The following CRIP2 variants were observed in gnomAD, a reference collection of about 807,000 sequenced individuals.
CRIP2 encodes cysteine-rich protein 2.
Under a neutral mutation model 31.3 loss-of-function variants are expected in CRIP2, and 31 were observed. The ratio of observed to expected loss-of-function variants is 0.99; its 90% CI spans 0.74 to 1.34. The LOEUF is 1.34. CRIP2 is among the 40% of genes most tolerant of loss of function. The pLI is 0.00. For missense variants in CRIP2, 389 were observed against 301.6 expected, an observed-to-expected ratio of 1.29 and a Z score of -2.15; for synonymous variants, 177 against 127.2, an observed-to-expected ratio of 1.39 and a Z score of -2.63.
At position 105,474,832 on chromosome 14, in the gene CRIP2, G is replaced by A; in HGVS notation, c.-31G>A. The A allele has an allele frequency of 2.1e-6, 3 of 1,437,668 alleles. No individual in the cohort carries two copies. Among genetic ancestry groups the A allele is most frequent in the Non-Finnish European group, 2.8e-6 (3 of 1,085,100 alleles). The allele number at this position is 1,437,668 out of a possible 1,614,324, so 89.1% of individuals were successfully genotyped here. A position where few individuals can be genotyped will look rare whatever the true frequency, so the allele number is the denominator to read the frequency against. ...GGCGGCGGCCCGGAGGAGAACGGGCGGAGGGCGCGGGCCGACCGGGCGCAC... is the reference window on the plus strand; with the variant it reads ...GGCGGCGGCCCGGAGGAGAACGGGCAGAGGGCGCGGGCCGACCGGGCGCAC... On this transcript the variant is annotated 5_prime_UTR_variant, in exon 1 of 8. Transcript: ENST00000329146. The surrounding 1 kb of genome is among the most constrained non-coding windows in gnomAD (Gnocchi z 5.1).
chr14:105,478,399 G>T lies in CRIP2; in HGVS notation c.138+39G>T. On this transcript the variant is annotated intron_variant, in intron 2 of 7. Transcript: ENST00000329146. This position sits in a 1 kb window ranked among gnomAD's most constrained non-coding sequence, Gnocchi z 4.9. ...CGCGGCGCGGGCGGGGGCGGGGGTC[G>T]CGACTCCCGCCACCCTCAGGCAGGG... is the stretch of plus-strand genomic sequence containing the variant. The T allele has an allele frequency of 6.3e-7, 1 of 1,574,888 alleles. No individual in the cohort carries two copies. The highest frequency in any genetic ancestry group is 1.4e-5 in the African/African-American group (1 of 73,776).
intron 1 of CRIP2, chr14:105,476,333 C>T: frequency 8.1e-6 from 8 of 985,586 alleles, no homozygotes; most frequent in Non-Finnish European, 9.6e-6. Flanking sequence ...CGGCTGGCTT[C>T]TGTCCTGCCT....
In CRIP2 at chr14:105,479,133, G is replaced by A. The variant is rs782229496; in HGVS notation, c.415G>A (p.Val139Met). ...CTCCTCCCCCTTTCCAGCTGAGAAG[G>A]TGACGTCTCTGGGCAAGGATTGGCA... ...CSKKVYFAEK[V>M]TSLGKDWHRP... The change falls in exon 6 of 8, where the codon GTG becomes ATG. Residue 139 changes from valine to methionine, a missense_variant. Val to Met is a conservative substitution (Grantham distance 21). Coordinates refer to ENST00000329146, the MANE Select transcript of CRIP2 (RefSeq NM_001312.4). The A allele has an allele frequency of 3.9e-5, 63 of 1,611,646 alleles. No individual in the cohort carries two copies. The highest frequency in any genetic ancestry group is 1.7e-4 in the Middle Eastern group (1 of 6,054).
Position 105,474,880 on chromosome 14 carries a change from C to G in CRIP2, c.18C>G (p.Pro6=), listed in dbSNP as rs1467054822. The G allele has an allele frequency of 2.0e-6, 3 of 1,518,732 alleles. No individual in the cohort carries two copies. Among genetic ancestry groups the G allele is most frequent in the Non-Finnish European group, 1.8e-6 (2 of 1,133,314 alleles). 94.1% of individuals were successfully genotyped at this position (1,518,732 alleles called of 1,614,324 possible). Residue 6 remains proline, a synonymous_variant, in exon 1 of 8, where the codon CCC becomes CCG. Coordinates refer to ENST00000329146, the MANE Select transcript of CRIP2 (RefSeq NM_001312.4). This position sits in a 1 kb window ranked among gnomAD's most constrained non-coding sequence, Gnocchi z 5.1. ...CACCGACCATGGCCTCCAAATGCCCCAAGTGCGACAAGACCGTGTACTTCG... is the reference window on the plus strand; with the variant it reads ...CACCGACCATGGCCTCCAAATGCCCGAAGTGCGACAAGACCGTGTACTTCG... The part of the protein sequence containing the change: MASKC[P]KCDKTVYFAE...
rs956163707 is a variant in CRIP2 at position 105,478,194 on chromosome 14, G to C, written c.44-72G>C. 21 of 1,247,780 alleles carry C rather than the reference G, an allele frequency of 1.7e-5. No individual in the cohort carries two copies. In the East Asian group the frequency reaches 5.6e-4, roughly 33 times the overall value. 77.3% of individuals were successfully genotyped at this position (1,247,780 alleles called of 1,614,324 possible). A position where few individuals can be genotyped will look rare whatever the true frequency, so the allele number is the denominator to read the frequency against. The stretch of plus-strand genomic sequence containing the variant: ...ACCCCCGGAGCGCGTGGGGGTGGTG[G>C]CTGCCAGGTGGGGGCGGAGGGGGTG... On this transcript the variant is annotated intron_variant, in intron 1 of 7. Coordinates refer to ENST00000329146, the MANE Select transcript of CRIP2 (RefSeq NM_001312.4). This position sits in a 1 kb window ranked among gnomAD's most constrained non-coding sequence, Gnocchi z 4.9.
intron 1 of CRIP2, chr14:105,476,097 C>T (rs587683937): frequency 1.6e-4 from 162 of 985,610 alleles, no homozygotes; most frequent in Non-Finnish European, 1.9e-4. Flanking sequence ...GGAGCCCGCT[C>T]AGCCCTCAGT....
At chr14:105,477,390 G>A (rs1555436022) in intron 1 of CRIP2, 4 of 985,014 alleles carry the variant, frequency 4.1e-6, no homozygotes, top group Non-Finnish European at 4.8e-6. Flanking sequence ...GGAATCCACA[G>A]ACAGATGAGG....
Position 105,479,577 on chromosome 14 carries a change from C to T in CRIP2, c.560-9C>T, listed in dbSNP as rs782604391. ...TCCCCCGACCCACCCCAGCGGCCTC[C>T]CTCCACAGGAGTGAACACCGGTGCG... On this transcript the variant is annotated splice_polypyrimidine_tract_variant and intron_variant, in intron 7 of 7. Transcript: ENST00000329146. The T allele has an allele frequency of 4.4e-5, 71 of 1,612,716 alleles. No homozygotes were observed. The highest frequency in any genetic ancestry group is 1.6e-4 in the Middle Eastern group (1 of 6,084).
chr14:105,473,605 T>C (rs2083877769), upstream of CRIP2: 4 of 1,415,690 alleles, frequency 2.8e-6, no homozygotes, highest in Admixed American at 2.3e-5. Context: ...ACTGGGCTTC[T>C]GGGATCTGCC....
At chr14:105,473,298 G>C, upstream of CRIP2, 2 of 1,532,976 alleles carry the variant, frequency 1.3e-6, no homozygotes, top group Non-Finnish European at 1.7e-6. Context: ...CAAGTGCAGA[G>C]GGGGAGCTGG....
At chr14:105,476,838 G>A (rs1013138461) in intron 1 of CRIP2, 2 of 908,006 alleles carry the variant, frequency 2.2e-6, no homozygotes, top group African/African-American at 3.6e-5. Flanking sequence ...GGCTGGCCCT[G>A]GCCATGCCCA....
At chr14:105,477,126 A>AG in intron 1 of CRIP2, 1 of 336,800 alleles carries the variant, frequency 3.0e-6, no homozygotes, top group South Asian at 1.2e-4. Context: ...CCCTCCCCCC[A>AG]GGGCCTGCAG....
At chr14:105,477,953 C>G (rs1214308948) in intron 1 of CRIP2, among the ~76,000 whole-genome samples, 107 of 139,894 alleles carry the variant, frequency 7.6e-4, no homozygotes, top group African/African-American at 2.7e-3. Context: ...CGGGCAGGCT[C>G]GAGCACAGGC....
At position 105,478,377 on chromosome 14, in the gene CRIP2, G is replaced by A; in HGVS notation, c.138+17G>A. ...CACGCCGAGGTGAGCCCCACTGCGCGGCGCGGGCGGGGGCGGGGGTCGCGA... is the reference window on the plus strand; with the variant it reads ...CACGCCGAGGTGAGCCCCACTGCGCAGCGCGGGCGGGGGCGGGGGTCGCGA... On this transcript the variant is annotated intron_variant, in intron 2 of 7. Coordinates refer to ENST00000329146, the MANE Select transcript of CRIP2 (RefSeq NM_001312.4). The surrounding 1 kb of genome is among the most constrained non-coding windows in gnomAD (Gnocchi z 4.9). 1.3e-6 allele frequency: 2 copies of A among 1,571,662 alleles called. No individual in the cohort carries two copies. The highest frequency in any genetic ancestry group is 1.7e-6 in the Non-Finnish European group (2 of 1,161,756).
intron 1 of CRIP2, chr14:105,476,621 G>C (rs1276545688): frequency 1.0e-6 from 1 of 985,372 alleles, no homozygotes; most frequent in African/African-American, 1.7e-5. Flanking sequence ...ACGTCCCAGA[G>C]CTGGCCAGAG....
In CRIP2 at chr14:105,479,836, C is replaced by T; in HGVS notation, c.*183C>T. ...CATCCCCGAGTCTCTGGTGTGTCTG[C>T]CCCCTCTGGCATCCTCTGGGCGTCC... is the stretch of plus-strand genomic sequence containing the variant. On this transcript the variant is annotated 3_prime_UTR_variant, in exon 8 of 8. Transcript: ENST00000329146. 1 of 646,414 alleles carries T rather than the reference C, an allele frequency of 1.5e-6. No homozygotes were observed. Among genetic ancestry groups the T allele is most frequent in the Non-Finnish European group, 2.7e-6 (1 of 370,026 alleles). The allele number at this position is 646,414 out of a possible 1,614,324, so 40.0% of individuals were successfully genotyped here. A position where few individuals can be genotyped will look rare whatever the true frequency, so the allele number is the denominator to read the frequency against.
At chr14:105,473,652 C>A, upstream of CRIP2, 1 of 1,153,704 alleles carries the variant, frequency 8.7e-7, no homozygotes, top group Non-Finnish European at 1.2e-6. Flanking sequence ...GGCCAGAAGG[C>A]TCAGAGAAGG....
At chr14:105,473,325 G>C, upstream of CRIP2, 1 of 1,532,334 alleles carries the variant, frequency 6.5e-7, no homozygotes, top group African/African-American at 1.4e-5. Flanking sequence ...TGGTCAGTCG[G>C]GCGGGGGGGC....
Position 105,479,457 on chromosome 14 carries a change from C to G in CRIP2, c.523C>G (p.His175Asp). Residue 175 changes from histidine (H) to aspartate (D), a missense_variant, in exon 7 of 8, where the codon CAC (histidine) becomes GAC (aspartate). Coordinates refer to ENST00000329146, the MANE Select transcript of CRIP2 (RefSeq NM_001312.4). ...CCAGCACGACGGCCAGCCCTACTGCCACAAGCCCTGCTATGGAATCCTCTT... is the reference window on the plus strand; with the variant it reads ...CCAGCACGACGGCCAGCCCTACTGCGACAAGCCCTGCTATGGAATCCTCTT... The part of the protein sequence containing the change: ...HAEHDGQPYC[H>D]KPCYGILFGP... 1 of 1,612,954 alleles carries G rather than the reference C, an allele frequency of 6.2e-7. No individual in the cohort carries two copies. Among genetic ancestry groups the G allele is most frequent in the Non-Finnish European group, 8.5e-7 (1 of 1,179,970 alleles).
Sources: allele counts gnomAD v4.1 joint callset (sites outside exome capture counted in the v4.1 genomes callset), GRCh38; gene constraint gnomAD v4.1.1; non-coding constraint Gnocchi (gnomAD v3.1); transcripts MANE v1.5; gene names NCBI Gene and HGNC (gene_info 2026-07-23, HGNC 2026-07-21).